CBLN2: variants seen among roughly 807,000 people sequenced by gnomAD.
CBLN2 encodes cerebellin-2.
CBLN2 carries 7 observed loss-of-function variants against 15.0 expected under a neutral mutation model. The ratio of observed to expected loss-of-function variants is 0.47; its 90% CI spans 0.27 to 0.88. The LOEUF is 0.88. Ranked by LOEUF, CBLN2 falls within the 40% of genes least tolerant of loss-of-function variation. The probability of loss-of-function intolerance (pLI) is 0.14; values close to 1 mark genes in which losing one functional copy is unlikely to be tolerated. For missense variants in CBLN2, 242 were observed against 304.5 expected (o/e 0.79, Z 1.53); for synonymous variants, 149 against 135.2 (o/e 1.10, Z -0.71).
intron 1 of CBLN2, among the ~76,000 whole-genome samples, chr18:72,619,566 A>T (rs538558455): frequency 3.9e-4 from 60 of 152,162 alleles, no homozygotes; most frequent in Non-Finnish European, 8.2e-4. Context: ...TAAAAAAAGA[A>T]AAGTTTCTTT....
rs1275409659 is a variant in CBLN2, at chr18:72,618,550, C to T, written c.15+19775G>A. On this transcript the variant is annotated intron_variant, in intron 1 of 2. Coordinates refer to the CBLN2 transcript ENST00000581073. ...AAAAGCTGTCTCAAGAAAAGTTTCT[C>T]AAAGACCAGGTGTCCACTTAACTGT... The T allele has an allele frequency of 6.7e-6, 5 of 746,586 alleles. No individual in the cohort carries two copies. The Admixed American group carries it at 7.1e-5, about 11-fold the overall frequency. The allele number at this position is 746,586 out of a possible 1,614,324, so 46.2% of individuals were successfully genotyped here. A position where few individuals can be genotyped will look rare whatever the true frequency, so the allele number is the denominator to read the frequency against.
chr18:72,586,377 G>T (rs978261787), intron 1 of CBLN2, among the ~76,000 whole-genome samples: 1 of 152,076 alleles, frequency 6.6e-6, no homozygotes, highest in Non-Finnish European at 1.5e-5. Flanking sequence ...TACACTAAAG[G>T]TGGGGGAATT....
chr18:72,560,354 A>ATGCC (rs1038831175), intron 1 of CBLN2, among the ~76,000 whole-genome samples: 23 of 152,236 alleles, frequency 1.5e-4, no homozygotes, highest in Non-Finnish European at 2.9e-5. Flanking sequence ...AGGCTTCTGT[A>ATGCC]TGCCTCTTAA....
At chr18:72,553,458 T>TGATG (rs1555701362) in intron 1 of CBLN2, among the ~76,000 whole-genome samples, 1 of 148,808 alleles carries the variant, frequency 6.7e-6, no homozygotes, top group African/African-American at 2.5e-5. Context: ...TAACAATTTG[T>TGATG]GATAGATAGA....
intron 1 of CBLN2, chr18:72,620,494 G>A (rs970056091): frequency 6.6e-6 from 1 of 152,270 alleles, no homozygotes. Context: ...TCTTCCCTCT[G>A]AAGTCAAGTT....
At chr18:72,546,261 C>G (rs1422776522), upstream of CBLN2, among the ~76,000 whole-genome samples, 1 of 152,032 alleles carries the variant, frequency 6.6e-6, no homozygotes, top group African/African-American at 2.4e-5. Context: ...CACGGTGAAA[C>G]CTTGTCTCTA....
chr18:72,546,034 T>C (rs530364428), upstream of CBLN2, among the ~76,000 whole-genome samples: 26 of 152,180 alleles, frequency 1.7e-4, no homozygotes, highest in Non-Finnish European at 3.4e-4. Flanking sequence ...AATAAACAGG[T>C]TAGGTTTAAT....
rs72634439 is a variant in CBLN2 at position 72,563,026 on chromosome 18, G to C, written c.16-24254C>G. On this transcript the variant is annotated intron_variant, in intron 1 of 2. Transcript: ENST00000581073. Reference sequence around the variant, plus strand: ...AAACTTTGTCTTAATATTTAGAGAAGTCTCTCATTAAAATCAGCACATATA... The same window carrying C: ...AAACTTTGTCTTAATATTTAGAGAACTCTCTCATTAAAATCAGCACATATA... Among the ~76,000 whole-genome samples the C allele has an allele frequency of 0.037, 5,651 of 152,242 alleles. 764 individuals carry two copies. In the East Asian group the frequency reaches 0.51, roughly 14 times the overall value.
At chr18:72,554,938 C>G (rs2144885906) in intron 1 of CBLN2, among the ~76,000 whole-genome samples, 1 of 152,198 alleles carries the variant, frequency 6.6e-6, no homozygotes, top group East Asian at 1.9e-4. Flanking sequence ...GAGTTCCAGA[C>G]CAGCCTAGCC....
chr18:72,537,441 C>T lies in CBLN2; in HGVS notation c.*735G>A, dbSNP rs2069071874. 1 of 152,366 alleles carries T rather than the reference C, an allele frequency of 6.6e-6. No homozygotes were observed. The highest frequency in any genetic ancestry group is 1.5e-5 in the Non-Finnish European group (1 of 68,014). The allele number at this position is 152,366 out of a possible 1,614,324, so 9.4% of individuals were successfully genotyped here. A position where few individuals can be genotyped will look rare whatever the true frequency, so the allele number is the denominator to read the frequency against. ...TTTTGTTTGGTCTTATCCAGGAATT[C>T]TATATTTTCTCTCCTCAACCCCAGC... On this transcript the variant is annotated 3_prime_UTR_variant, in exon 5 of 5. Transcript: ENST00000269503.
rs141596462 is a variant in CBLN2, at chr18:72,619,261, C to T, written c.15+19064G>A. Reference sequence around the variant, plus strand: ...AACAAAGCTTAGCAGGAGAGGAGAGCCAGAGAAGTGACGGGGAAGCTACAG... The same window carrying T: ...AACAAAGCTTAGCAGGAGAGGAGAGTCAGAGAAGTGACGGGGAAGCTACAG... On this transcript the variant is annotated intron_variant, in intron 1 of 2. Transcript: ENST00000581073. The T allele has an allele frequency of 8.9e-5, 75 of 843,954 alleles. No homozygotes were observed. In the African/African-American group the frequency reaches 9.4e-4, roughly 11 times the overall value. 52.3% of individuals were successfully genotyped at this position (843,954 alleles called of 1,614,324 possible).
chr18:72,565,366 G>T (rs912570060), intron 1 of CBLN2, among the ~76,000 whole-genome samples: 1 of 151,788 alleles, frequency 6.6e-6, no homozygotes, highest in Non-Finnish European at 1.5e-5. Context: ...AGTATTTCTA[G>T]TATAAATATT....
At chr18:72,597,237 A>G (rs931818337) in intron 1 of CBLN2, among the ~76,000 whole-genome samples, 4 of 152,232 alleles carry the variant, frequency 2.6e-5, no homozygotes, top group Non-Finnish European at 5.9e-5. Context: ...CACTGCAGCC[A>G]TATCTACATT....
intron 1 of CBLN2, among the ~76,000 whole-genome samples, chr18:72,577,025 T>C (rs1303293983): frequency 7.3e-6 from 1 of 137,342 alleles, no homozygotes; most frequent in Non-Finnish European, 1.6e-5. Flanking sequence ...TAATGTGATA[T>C]ATATAATGTA....
rs1195572238 is a variant in CBLN2, at chr18:72,608,583, GA to G, written c.15+29741del. Among the ~76,000 whole-genome samples, 3 of 152,300 alleles carry G rather than the reference GA, an allele frequency of 2.0e-5. No individual in the cohort carries two copies. In the East Asian group the frequency reaches 5.8e-4, roughly 29 times the overall value. ...GGAGCAGCAAGTTGAGCCTGAAAGT[GA>G]ATCAAGCAAGCCTTCATCCTCTGTT... is the stretch of plus-strand genomic sequence containing the variant. On this transcript the variant is annotated intron_variant, in intron 1 of 2. Coordinates refer to the CBLN2 transcript ENST00000581073.
At chr18:72,541,115 A>C (rs74258379) in intron 3 of CBLN2, among the ~76,000 whole-genome samples, 2 of 152,258 alleles carry the variant, frequency 1.3e-5, no homozygotes, top group South Asian at 4.1e-4. Flanking sequence ...TAAGTGGCTT[A>C]AGGTGACGTA....
At position 72,586,050 on chromosome 18, in the gene CBLN2, C is replaced by T. The variant is rs185496234; in HGVS notation, c.16-47278G>A. ...AGTGGAGGGATACCCAGGTCTGCAG[C>T]TGCAGCTGGGTGGCTGCAGCTGTGC... On this transcript the variant is annotated intron_variant, in intron 1 of 2. Coordinates refer to the CBLN2 transcript ENST00000581073. Among the ~76,000 whole-genome samples, 240 of 152,300 alleles carry T rather than the reference C, an allele frequency of 1.6e-3. 1 individual carries two copies. Among genetic ancestry groups the T allele is most frequent in the African/African-American group, 5.5e-3 (230 of 41,570 alleles).
chr18:72,556,630 C>T (rs373278508), intron 1 of CBLN2, among the ~76,000 whole-genome samples: 11 of 152,000 alleles, frequency 7.2e-5, no homozygotes, highest in South Asian at 4.1e-4. Context: ...AGTAAACATG[C>T]GGGAGAGTTA....
At chr18:72,613,139 C>G (rs1284779192) in intron 1 of CBLN2, among the ~76,000 whole-genome samples, 1 of 152,182 alleles carries the variant, frequency 6.6e-6, no homozygotes, top group African/African-American at 2.4e-5. Context: ...GAATGAGGGC[C>G]CATCTTACTC....
Sources: allele counts gnomAD v4.1 joint callset (sites outside exome capture counted in the v4.1 genomes callset), GRCh38; gene constraint gnomAD v4.1.1; transcripts MANE v1.5; gene names NCBI Gene and HGNC (gene_info 2026-07-23, HGNC 2026-07-21).